Variants in DLC1 observed in about 807,000 individuals in gnomAD.
DLC1 encodes the protein rho GTPase-activating protein 7.
Under a neutral mutation model 140.3 loss-of-function variants are expected in DLC1, and 54 were observed. That is an observed-to-expected ratio of 0.38 (90% CI 0.31 to 0.48). DLC1 has a LOEUF of 0.48. Ranked by LOEUF, DLC1 falls within the 20% of genes least tolerant of loss-of-function variation. DLC1 has a pLI of 0.96. For missense variants in DLC1, 2,536 were observed against 1,907.0 expected (o/e 1.33, Z -6.14); for synonymous variants, 986 against 728.1 (o/e 1.35, Z -5.70).
chr8:13,455,935 A>G (rs1465761178), intron 2 of DLC1, among the ~76,000 whole-genome samples: 1 of 152,216 alleles, frequency 6.6e-6, no homozygotes, highest in Non-Finnish European at 1.5e-5. Context: ...GAAACAATGT[A>G]GATAACAAAG....
chr8:13,519,840 G>A (rs1020929165), upstream of DLC1, among the ~76,000 whole-genome samples: 1 of 152,178 alleles, frequency 6.6e-6, no homozygotes, highest in Non-Finnish European at 1.5e-5. Context: ...CTCAAAAGAA[G>A]ACGTTTATGT....
intron 1 of DLC1, among the ~76,000 whole-genome samples, chr8:13,553,393 AT>A (rs1468974175): frequency 1.3e-5 from 2 of 150,138 alleles, no homozygotes; most frequent in African/African-American, 4.9e-5. Context: ...TTTCATCTTC[AT>A]TTCACTGAGT....
chr8:13,384,472 A>C (rs1199420301), intron 4 of DLC1, among the ~76,000 whole-genome samples: 1 of 152,254 alleles, frequency 6.6e-6, no homozygotes, highest in Non-Finnish European at 1.5e-5. Context: ...ACGAAATGCT[A>C]AATGTGAAAT....
At chr8:13,579,245 C>CATACATATATATATATATAT (rs1554546967) in intron 1 of DLC1, among the ~76,000 whole-genome samples, 886 of 18,886 alleles carry the variant, frequency 0.047, 191 homozygotes, top group Non-Finnish European at 0.059. Context: ...GAACAGGGAG[C>CATACATATATATATATATAT]ATATATATAT....
chr8:13,509,905 A>G (rs900596001), intron 1 of DLC1, among the ~76,000 whole-genome samples: 1 of 152,166 alleles, frequency 6.6e-6, no homozygotes, highest in Non-Finnish European at 1.5e-5. Flanking sequence ...TGAGGGGAAA[A>G]TGATAATGAG....
At chr8:13,156,785 A>G (rs1423883598) in intron 5 of DLC1, among the ~76,000 whole-genome samples, 1 of 152,248 alleles carries the variant, frequency 6.6e-6, no homozygotes, top group Non-Finnish European at 1.5e-5. Context: ...GGATCCAGCC[A>G]GCGCCTAATA....
intron 1 of DLC1, among the ~76,000 whole-genome samples, chr8:13,563,478 C>T (rs1484856235): frequency 1.3e-5 from 2 of 152,136 alleles, no homozygotes; most frequent in Non-Finnish European, 2.9e-5. Context: ...ATGTAAGATT[C>T]TTTCCTCCAG....
intron 8 of DLC1, among the ~76,000 whole-genome samples, chr8:13,102,533 T>C (rs1168184381): frequency 6.6e-6 from 1 of 152,196 alleles, no homozygotes; most frequent in Non-Finnish European, 1.5e-5. Flanking sequence ...GTAATAGGCA[T>C]TGAGTTAGTA....
chr8:13,264,216 C>G (rs1027047458), intron 5 of DLC1, among the ~76,000 whole-genome samples: 2 of 151,872 alleles, frequency 1.3e-5, no homozygotes, highest in East Asian at 3.9e-4. Flanking sequence ...TTACAGGCAG[C>G]AGTCACCATA....
chr8:13,318,752 G>T (rs1375508796), intron 4 of DLC1, among the ~76,000 whole-genome samples: 2 of 152,116 alleles, frequency 1.3e-5, no homozygotes, highest in Non-Finnish European at 2.9e-5. Context: ...TTAACACAAA[G>T]GTAAGCCATG....
At position 13,152,183 on chromosome 8, in the gene DLC1, C is replaced by A. The variant is rs1359551790; in HGVS notation, c.1349-36526G>T. On this transcript the variant is annotated intron_variant, in intron 5 of 17. Coordinates refer to ENST00000276297, the MANE Select transcript of DLC1 (RefSeq NM_182643.3). Reference sequence around the variant, plus strand: ...TTGGTTCTTTAGACAAAGTCCAGAGCCTTCAAAAAGTGGCAGCAGTGCCAG... The same window carrying A: ...TTGGTTCTTTAGACAAAGTCCAGAGACTTCAAAAAGTGGCAGCAGTGCCAG... 2.6e-5 allele frequency among the ~76,000 whole-genome samples: 4 copies of A among 152,146 alleles called. No homozygotes were observed. The East Asian group carries it at 7.7e-4, about 29-fold the overall frequency.
At chr8:13,427,693 G>A (rs1466759086) in intron 2 of DLC1, among the ~76,000 whole-genome samples, 1 of 152,004 alleles carries the variant, frequency 6.6e-6, no homozygotes, top group Non-Finnish European at 1.5e-5. Context: ...TGTACCTTGG[G>A]CCCCTTGTTC....
intron 5 of DLC1, among the ~76,000 whole-genome samples, chr8:13,243,358 T>G (rs1331498780): frequency 6.7e-6 from 1 of 149,566 alleles, no homozygotes; most frequent in Non-Finnish European, 1.5e-5. Flanking sequence ...TGCCACCATG[T>G]GAAGATGTGC....
chr8:13,459,209 C>G (rs1799545652), intron 2 of DLC1, among the ~76,000 whole-genome samples: 1 of 152,094 alleles, frequency 6.6e-6, no homozygotes, highest in African/African-American at 2.4e-5. Context: ...TAGAGAATTT[C>G]TAAGCTCTGT....
intron 5 of DLC1, among the ~76,000 whole-genome samples, chr8:13,296,060 A>G (rs1052623959): frequency 6.8e-6 from 1 of 147,222 alleles, no homozygotes; most frequent in Non-Finnish European, 1.5e-5. Context: ...GGTTCAAGCA[A>G]TTCTCATGCC....
intron 1 of DLC1, among the ~76,000 whole-genome samples, chr8:13,594,176 G>T (rs1016956435): frequency 2.6e-5 from 4 of 151,892 alleles, no homozygotes; most frequent in African/African-American, 9.7e-5. Flanking sequence ...AAGGAAAAAA[G>T]ATCCTCTTTT....
chr8:13,475,355 C>T (rs1195471055), intron 2 of DLC1, among the ~76,000 whole-genome samples: 1 of 152,078 alleles, frequency 6.6e-6, no homozygotes, highest in East Asian at 1.9e-4. Context: ...ATTTTCCATT[C>T]TGGTTCAAAA....
At chr8:13,132,219 G>GTGTA (rs1822162393) in intron 5 of DLC1, among the ~76,000 whole-genome samples, 1 of 151,500 alleles carries the variant, frequency 6.6e-6, no homozygotes, top group African/African-American at 2.4e-5. Context: ...GTGTGTGTGT[G>GTGTA]TGTGTGTGTG....
chr8:13,457,304 A>G (rs1799436653), intron 2 of DLC1, among the ~76,000 whole-genome samples: 1 of 152,208 alleles, frequency 6.6e-6, no homozygotes, highest in Admixed American at 6.5e-5. Context: ...ACTATATAGT[A>G]TAAAATATGC....
Sources: gnomAD v4.1 joint callset for allele counts (sites outside exome capture counted in the v4.1 genomes callset) on GRCh38, gnomAD v4.1.1 for gene constraint, MANE v1.5 for transcripts, NCBI Gene and HGNC (gene_info 2026-07-23, HGNC 2026-07-21) for gene names.